The following AAGAB variants were observed in gnomAD, a reference collection of about 807,000 sequenced individuals.
AAGAB encodes the protein alpha and gamma adaptin binding protein.
AAGAB carries 38 observed loss-of-function variants against 44.1 expected under a neutral mutation model. That is an observed-to-expected ratio of 0.86 (90% CI 0.67 to 1.13). The LOEUF (loss-of-function observed/expected upper bound fraction) is 1.13, where lower values mean the gene tolerates loss of function less well. Ranked by LOEUF, AAGAB falls within the 50% of genes most tolerant of loss-of-function variation. AAGAB has a pLI of 0.00. For synonymous variants in AAGAB, 131 were observed against 131.8 expected, an observed-to-expected ratio of 0.99 and a Z score of 0.04; for missense variants, 450 against 373.8, an observed-to-expected ratio of 1.20 and a Z score of -1.68.
At chr15:67,244,840 A>G (rs2140393025) in intron 1 of AAGAB, among the ~76,000 whole-genome samples, 1 of 152,304 alleles carries the variant, frequency 6.6e-6, no homozygotes, top group Non-Finnish European at 1.5e-5. Context: ...AAGTGGGCAA[A>G]AAAGATTTGA....
upstream of AAGAB, chr15:67,254,896 C>G (rs1450854630): frequency 6.2e-7 from 1 of 1,613,744 alleles, no homozygotes; most frequent in East Asian, 2.2e-5. Context: ...CTGACCTAGC[C>G]ATGGCACAGA....
chr15:67,241,726 T>A (rs992974786), intron 1 of AAGAB, among the ~76,000 whole-genome samples: 1 of 152,160 alleles, frequency 6.6e-6, no homozygotes, highest in Non-Finnish European at 1.5e-5. Flanking sequence ...TCTAAGAAAG[T>A]GCAGGCACTG....
In AAGAB at chr15:67,202,787, G is replaced by C. The variant is rs1963596001; in HGVS notation, c.*34C>G. 6.2e-7 allele frequency: 1 copy of C among 1,600,696 alleles called. No individual in the cohort carries two copies. The highest frequency in any genetic ancestry group is 1.1e-5 in the South Asian group (1 of 90,836). On this transcript the variant is annotated 3_prime_UTR_variant, in exon 10 of 10. Transcript: ENST00000261880. The stretch of plus-strand genomic sequence containing the variant: ...TAGAGAGGTATCTCAGAGACAGCTA[G>C]CATCTTTGTTGGTCAAACCCTAGTA...
chr15:67,230,974 T>G (rs2140372004), intron 5 of AAGAB, among the ~76,000 whole-genome samples: 1 of 152,318 alleles, frequency 6.6e-6, no homozygotes, highest in East Asian at 1.9e-4. Context: ...CTCTCCTGAC[T>G]GGCATTCAGG....
At chr15:67,209,295 G>A (rs1351676119) in intron 6 of AAGAB, among the ~76,000 whole-genome samples, 167 bp downstream of exon 6, 1 of 152,186 alleles carries the variant, frequency 6.6e-6, no homozygotes, top group Non-Finnish European at 1.5e-5. Context: ...TCTTGAAAGG[G>A]CTTACTGCTT....
chr15:67,202,508 G>A lies in AAGAB; in HGVS notation c.*313C>T, dbSNP rs146110199. 217 of 296,396 alleles carry A rather than the reference G, an allele frequency of 7.3e-4. No homozygotes were observed. Among genetic ancestry groups the A allele is most frequent in the African/African-American group, 4.3e-3 (199 of 46,770 alleles). The allele number at this position is 296,396 out of a possible 1,614,324, so 18.4% of individuals were successfully genotyped here. On this transcript the variant is annotated 3_prime_UTR_variant, in exon 10 of 10. Coordinates refer to ENST00000261880, the MANE Select transcript of AAGAB (RefSeq NM_024666.5). ...AAGGTTGACCAGGAATGGCCTGGAG[G>A]TTGTCTTCAACTTGAGTAAATCACA... is the stretch of plus-strand genomic sequence containing the variant.
At chr15:67,227,536 A>C (rs1348085211) in intron 5 of AAGAB, among the ~76,000 whole-genome samples, 1 of 152,228 alleles carries the variant, frequency 6.6e-6, no homozygotes, top group African/African-American at 2.4e-5. Flanking sequence ...GAAAATAAAA[A>C]AGAAAAAAGA....
At chr15:67,215,442 C>A (rs1350870008) in intron 5 of AAGAB, among the ~76,000 whole-genome samples, 1 of 152,128 alleles carries the variant, frequency 6.6e-6, no homozygotes, top group African/African-American at 2.4e-5. Context: ...CCTAACAGAC[C>A]TCCTAGATAT....
chr15:67,218,546 A>G (rs1023102571), intron 5 of AAGAB, among the ~76,000 whole-genome samples: 6 of 152,294 alleles, frequency 3.9e-5, no homozygotes, highest in South Asian at 2.1e-4. Context: ...GTGCCTCTCA[A>G]TTTAAGGCAC....
At chr15:67,222,282 A>ACACACACACACACACC (rs796412643) in intron 5 of AAGAB, among the ~76,000 whole-genome samples, 2,188 of 139,632 alleles carry the variant, frequency 0.016, 58 homozygotes, top group East Asian at 0.037. Context: ...ACACACACAC[A>ACACACACACACACACC]CCCTCCACCC....
intron 7 of AAGAB, among the ~76,000 whole-genome samples, chr15:67,206,744 T>C (rs184441316): frequency 1.2e-4 from 19 of 152,328 alleles, no homozygotes; most frequent in Admixed American, 1.0e-3. Flanking sequence ...CCTTTCAACA[T>C]GTCCCCATTC....
chr15:67,208,515 T>G (rs1963734663), intron 7 of AAGAB, 47 bp downstream of exon 7: 1 of 1,548,030 alleles, frequency 6.5e-7, no homozygotes, highest in East Asian at 2.2e-5. Flanking sequence ...AGATACCTAT[T>G]CCAAGTTGCA....
intron 5 of AAGAB, among the ~76,000 whole-genome samples, chr15:67,218,518 C>T (rs1964001146): frequency 6.6e-6 from 1 of 152,190 alleles, no homozygotes; most frequent in Admixed American, 6.5e-5. Context: ...GCCCTTAAAA[C>T]CAACTCTTAC....
chr15:67,240,175 T>A (rs1179046638), intron 1 of AAGAB, among the ~76,000 whole-genome samples: 1 of 152,242 alleles, frequency 6.6e-6, no homozygotes, highest in East Asian at 1.9e-4. Flanking sequence ...TATACGGATC[T>A]GCAGCACAAT....
chr15:67,233,472 C>G (rs1006749949), intron 4 of AAGAB, among the ~76,000 whole-genome samples: 10 of 152,294 alleles, frequency 6.6e-5, no homozygotes, highest in African/African-American at 2.4e-4. Flanking sequence ...AAGGCTGCGT[C>G]TGGAAAATAA....
chr15:67,253,208 T>C (rs1964921837), intron 1 of AAGAB, among the ~76,000 whole-genome samples: 1 of 147,302 alleles, frequency 6.8e-6, no homozygotes, highest in South Asian at 2.1e-4. Context: ...GCAGATCACT[T>C]GAGCCCGGGA....
chr15:67,222,246 A>G (rs75239246), intron 5 of AAGAB, among the ~76,000 whole-genome samples: 4,303 of 87,156 alleles, frequency 0.049, 68 homozygotes, highest in East Asian at 0.079. Flanking sequence ...GCGCGCGCAC[A>G]CACACACACA....
chr15:67,245,532 C>G (rs1964700061), intron 1 of AAGAB, among the ~76,000 whole-genome samples: 1 of 152,152 alleles, frequency 6.6e-6, no homozygotes, highest in South Asian at 2.1e-4. Flanking sequence ...GTTCTACAAT[C>G]AGATTGTAAT....
chr15:67,209,382 A>G, intron 6 of AAGAB, 80 bp downstream of exon 6: 1 of 1,178,714 alleles, frequency 8.5e-7, no homozygotes, highest in Non-Finnish European at 1.3e-6. Context: ...AAGGAAAACA[A>G]TGGTGAATGT....
Sources: gnomAD v4.1 joint callset for allele counts (sites outside exome capture counted in the v4.1 genomes callset) on GRCh38, gnomAD v4.1.1 for gene constraint, MANE v1.5 for transcripts, NCBI Gene and HGNC (gene_info 2026-07-23, HGNC 2026-07-21) for gene names.